The following TENM2 variants were observed in gnomAD, a reference collection of about 807,000 sequenced individuals.
The protein encoded by TENM2 is teneurin-2.
In TENM2, 52 loss-of-function variants were observed where a neutral mutation model predicts 245.2. That is an observed-to-expected ratio of 0.21 (90% CI 0.17 to 0.27). TENM2 has a LOEUF of 0.27. Among genes scored for constraint, TENM2 ranks in the 10% least tolerant of loss-of-function variants. The pLI, the probability that TENM2 is intolerant of heterozygous loss-of-function variation, is 1.00. For missense variants in TENM2, 3,046 were observed against 3,666.8 expected (o/e 0.83, Z 4.37); for synonymous variants, 1,363 against 1,438.9 (o/e 0.95, Z 1.19).
rs936858720 is a variant in TENM2, at chr5:167,544,937, G to GT, written c.502+169472dup. Reference sequence around the variant, plus strand: ...GTGAAGGTATATTCTGTAAGGGCTTGTTTTTTTTAATATAGCAGCGTCCAA... The same window carrying GT: ...GTGAAGGTATATTCTGTAAGGGCTTGTTTTTTTTTAATATAGCAGCGTCCAA... On this transcript the variant is annotated intron_variant, in intron 2 of 28. Transcript: ENST00000518659. Among the ~76,000 whole-genome samples the GT allele has an allele frequency of 7.2e-5, 11 of 152,116 alleles. No individual in the cohort carries two copies. In the South Asian group the frequency reaches 8.3e-4, roughly 12 times the overall value.
chr5:167,989,229 T>G (rs950562974), intron 4 of TENM2, among the ~76,000 whole-genome samples: 1 of 146,506 alleles, frequency 6.8e-6, no homozygotes, highest in African/African-American at 2.5e-5. Context: ...AAGATTCTAT[T>G]TATAAATAGA....
chr5:168,033,836 G>T (rs1261549625), intron 5 of TENM2, among the ~76,000 whole-genome samples: 4 of 151,968 alleles, frequency 2.6e-5, no homozygotes, highest in Non-Finnish European at 4.4e-5. Context: ...AGACCAGCCT[G>T]ACCAACATGG....
At chr5:167,403,811 A>T (rs1762492230) in intron 2 of TENM2, among the ~76,000 whole-genome samples, 1 of 152,124 alleles carries the variant, frequency 6.6e-6, no homozygotes, top group African/African-American at 2.4e-5. Flanking sequence ...AATAACACAG[A>T]AAGTTGGTGG....
At chr5:168,032,341 A>AT (rs1482631363) in intron 5 of TENM2, among the ~76,000 whole-genome samples, 1 of 152,240 alleles carries the variant, frequency 6.6e-6, no homozygotes, top group Non-Finnish European at 1.5e-5. Flanking sequence ...AGAGTTTGCC[A>AT]TATCTGGAGT....
intron 2 of TENM2, among the ~76,000 whole-genome samples, chr5:167,728,023 C>T (rs2150545318): frequency 6.6e-6 from 1 of 152,188 alleles, no homozygotes; most frequent in South Asian, 2.1e-4. Context: ...ACAATCTGGC[C>T]CCAAGTAACA....
chr5:167,777,764 G>A (rs759259820), intron 2 of TENM2, among the ~76,000 whole-genome samples: 3 of 152,100 alleles, frequency 2.0e-5, no homozygotes, highest in Non-Finnish European at 4.4e-5. Context: ...TTTTTCTTAT[G>A]TCAGAAAAGG....
At chr5:167,893,578 T>G (rs568495492) in intron 3 of TENM2, among the ~76,000 whole-genome samples, 1 of 152,222 alleles carries the variant, frequency 6.6e-6, no homozygotes, top group African/African-American at 2.4e-5. Flanking sequence ...AGTATTTTCT[T>G]GTATTTTCTT....
In TENM2 at chr5:167,458,214, C is replaced by T. The variant is rs149689418; in HGVS notation, c.502+82741C>T. Reference sequence around the variant, plus strand: ...CAGTCAACATTTTCAGTGCCAGGCACGGTGGCTCACGCCTGTAATCCCAGC... The same window carrying T: ...CAGTCAACATTTTCAGTGCCAGGCATGGTGGCTCACGCCTGTAATCCCAGC... On this transcript the variant is annotated intron_variant, in intron 2 of 28. Transcript: ENST00000518659. Among the ~76,000 whole-genome samples the T allele has an allele frequency of 2.0e-3, 299 of 152,100 alleles. 1 individual carries two copies. The highest frequency in any genetic ancestry group is 7.0e-3 in the African/African-American group (289 of 41,522).
chr5:167,604,830 T>C (rs919271056), intron 2 of TENM2, among the ~76,000 whole-genome samples: 111 of 151,852 alleles, frequency 7.3e-4, no homozygotes, highest in Non-Finnish European at 8.2e-4. Flanking sequence ...TATTAAGTGG[T>C]ATAAGGTGGT....
At chr5:167,748,004 T>G (rs767723939) in intron 2 of TENM2, among the ~76,000 whole-genome samples, 5 of 152,148 alleles carry the variant, frequency 3.3e-5, no homozygotes, top group Non-Finnish European at 7.4e-5. Flanking sequence ...TCCTGAAAGA[T>G]CTCTAGGATA....
chr5:168,140,477 ACAAATACCAG>A (rs1412913009), intron 12 of TENM2, among the ~76,000 whole-genome samples: 1 of 152,060 alleles, frequency 6.6e-6, no homozygotes, highest in African/African-American at 2.4e-5. Flanking sequence ...AATCTCAACA[ACAAATACCAG>A]CAAACCAAGC....
intron 2 of TENM2, among the ~76,000 whole-genome samples, chr5:167,405,925 A>G (rs1762615041): frequency 6.6e-6 from 1 of 152,014 alleles, no homozygotes; most frequent in Admixed American, 6.6e-5. Flanking sequence ...AAAACCCCCA[A>G]ACTAAGCCAT....
At chr5:168,136,661 C>T (rs902034369) in intron 12 of TENM2, among the ~76,000 whole-genome samples, 9 of 152,254 alleles carry the variant, frequency 5.9e-5, no homozygotes, top group East Asian at 1.9e-4. Context: ...TTTGTCCCAG[C>T]GCTGAGCTGT....
intron 12 of TENM2, among the ~76,000 whole-genome samples, chr5:168,157,353 C>T (rs1757273526): frequency 6.6e-6 from 1 of 152,112 alleles, no homozygotes; most frequent in East Asian, 1.9e-4. Flanking sequence ...TCAGACTTTA[C>T]CCATGGGTCA....
At chr5:167,760,011 A>G (rs1380607891) in intron 2 of TENM2, among the ~76,000 whole-genome samples, 2 of 152,172 alleles carry the variant, frequency 1.3e-5, no homozygotes, top group Non-Finnish European at 2.9e-5. Flanking sequence ...GTCTTACTTG[A>G]GCTTACTAGA....
the TENM2 span, among the ~76,000 whole-genome samples, chr5:166,998,738 C>T: frequency 6.6e-6 from 1 of 152,104 alleles, no homozygotes; most frequent in African/African-American, 2.4e-5. Flanking sequence ...TAAATAAATA[C>T]ATGAACAGTT....
chr5:167,338,595 A>G lies in TENM2; in HGVS notation c.227-36603A>G, dbSNP rs1256842182. ...ATATCACGTGGTTTTCCCTTCTTTT[A>G]AAAGAGACTAAGGCAGTACAGTCCT... On this transcript the variant is annotated intron_variant, in intron 1 of 28. Transcript: ENST00000518659. Among the ~76,000 whole-genome samples the G allele has an allele frequency of 2.0e-5, 3 of 152,194 alleles. No homozygotes were observed. The East Asian group carries it at 5.8e-4, about 29-fold the overall frequency.
chr5:168,263,969 A>C (rs565098104), downstream of TENM2: 4 of 152,740 alleles, frequency 2.6e-5, no homozygotes, highest in Admixed American at 6.5e-5. Context: ...AATTAAAAAA[A>C]CAAAAATAAA....
chr5:167,739,625 G>A (rs1349617921), intron 2 of TENM2, among the ~76,000 whole-genome samples: 2 of 152,104 alleles, frequency 1.3e-5, no homozygotes, highest in East Asian at 1.9e-4. Context: ...TGGTGATGAC[G>A]GACTTTAGGA....
Sources: gnomAD v4.1 joint callset for allele counts (sites outside exome capture counted in the v4.1 genomes callset) on GRCh38, gnomAD v4.1.1 for gene constraint, MANE v1.5 for transcripts, NCBI Gene and HGNC (gene_info 2026-07-23, HGNC 2026-07-21) for gene names.